The following CYP3A43 variants were observed in gnomAD, a reference collection of about 807,000 sequenced individuals.
CYP3A43 encodes the protein cytochrome P450 family 3 subfamily A member 43.
A neutral mutation model predicts 58.0 loss-of-function variants in CYP3A43; 45 were observed. The ratio of observed to expected loss-of-function variants is 0.78; its 90% CI spans 0.61 to 0.99. CYP3A43 has a LOEUF of 0.99. Ranked by LOEUF, CYP3A43 falls within the 50% of genes least tolerant of loss-of-function variation. The probability of loss-of-function intolerance (pLI) is 0.00; values close to 1 mark genes in which losing one functional copy is unlikely to be tolerated. For synonymous variants in CYP3A43, 191 were observed against 201.4 expected (o/e 0.95, Z 0.44); for missense variants, 593 against 591.9 (o/e 1.00, Z -0.02).
At chr7:99,848,558 A>T (rs1187590440) in intron 6 of CYP3A43, among the ~76,000 whole-genome samples, 4 of 152,198 alleles carry the variant, frequency 2.6e-5, no homozygotes, top group Non-Finnish European at 5.9e-5. Context: ...GATTGTACTA[A>T]AGTTTTGAGC....
chr7:99,852,551 T>A (rs1817802479), intron 7 of CYP3A43, among the ~76,000 whole-genome samples: 1 of 152,208 alleles, frequency 6.6e-6, no homozygotes, highest in Admixed American at 6.5e-5. Context: ...CACTAATATT[T>A]TGATGTTATG....
At chr7:99,834,573 G>T (rs1816987918) in intron 1 of CYP3A43, among the ~76,000 whole-genome samples, 1 of 152,190 alleles carries the variant, frequency 6.6e-6, no homozygotes, top group Non-Finnish European at 1.5e-5. Flanking sequence ...GCCAGAGGGT[G>T]CTTTCTAAGC....
chr7:99,851,521 T>G (rs1817760405), intron 7 of CYP3A43, among the ~76,000 whole-genome samples: 1 of 152,234 alleles, frequency 6.6e-6, no homozygotes, highest in Non-Finnish European at 1.5e-5. Flanking sequence ...ATCGTGATTT[T>G]GATTTACTCT....
Position 99,828,189 on chromosome 7 carries a change from G to C in CYP3A43, c.71+3G>C. On this transcript the variant is annotated splice_donor_region_variant and intron_variant, in intron 1 of 12. Transcript: ENST00000354829. ...ACCAGCCTGGTACTCCTCTATATGTGAGTAACTATGCAGGCATGTTTGCTC... is the reference window on the plus strand; with the variant it reads ...ACCAGCCTGGTACTCCTCTATATGTCAGTAACTATGCAGGCATGTTTGCTC... 6.2e-7 allele frequency: 1 copy of C among 1,601,430 alleles called. No individual in the cohort carries two copies. Among genetic ancestry groups the C allele is most frequent in the Non-Finnish European group, 8.5e-7 (1 of 1,172,654 alleles).
chr7:99,856,851 C>G lies in CYP3A43; in HGVS notation c.817C>G (p.Gln273Glu). The G allele has an allele frequency of 1.2e-6, 2 of 1,613,950 alleles. No individual in the cohort carries two copies. The highest frequency in any genetic ancestry group is 8.5e-7 in the Non-Finnish European group (1 of 1,179,966). Residue 273 changes from glutamine (Q) to glutamate (E), a missense_variant, in exon 9 of 13, where the codon CAA becomes GAA. Physicochemically the swap from Gln to Glu is conservative, Grantham distance 29 (BLOSUM62 2). Transcript: ENST00000354829. The part of the protein sequence containing the change: ...DKQKHRVDFF[Q>E]QMIDSQNSKE... Reference sequence around the variant, plus strand: ...CTTCCAGCATCGAGTAGATTTCTTTCAACAGATGATCGACTCCCAGAATTC... The same window carrying G: ...CTTCCAGCATCGAGTAGATTTCTTTGAACAGATGATCGACTCCCAGAATTC...
intron 7 of CYP3A43, among the ~76,000 whole-genome samples, chr7:99,851,822 C>T (rs1419711563): frequency 6.6e-6 from 1 of 152,152 alleles, no homozygotes; most frequent in Non-Finnish European, 1.5e-5. Flanking sequence ...GCACGATTTG[C>T]GTATTTTTCT....
At chr7:99,847,141 C>T (rs1216389768) in intron 4 of CYP3A43, among the ~76,000 whole-genome samples, 1 of 152,152 alleles carries the variant, frequency 6.6e-6, no homozygotes, top group Non-Finnish European at 1.5e-5. Flanking sequence ...TCACCAGTCC[C>T]TTTCTGCTTT....
intron 7 of CYP3A43, among the ~76,000 whole-genome samples, chr7:99,850,780 C>G (rs1330055848): frequency 6.6e-6 from 1 of 152,218 alleles, no homozygotes; most frequent in Non-Finnish European, 1.5e-5. Context: ...TGGCTTCTTT[C>G]ATTTAGCATT....
chr7:99,856,905 C>G lies in CYP3A43; in HGVS notation c.865+6C>G, dbSNP rs35141942. The G allele has an allele frequency of 0.026, 42,558 of 1,612,700 alleles. 697 individuals carry two copies. The highest frequency in any genetic ancestry group is 0.057 in the Middle Eastern group (343 of 6,052). On this transcript the variant is annotated splice_donor_region_variant and intron_variant, in intron 9 of 12. Coordinates refer to ENST00000354829, the MANE Select transcript of CYP3A43 (RefSeq NM_057095.3). ...AGAAACAAAGTCCCATAAAGGTAACCAAGAACTGCATCTGGGGGCTACTGA... is the reference window on the plus strand; with the variant it reads ...AGAAACAAAGTCCCATAAAGGTAACGAAGAACTGCATCTGGGGGCTACTGA...
At chr7:99,854,494 C>T (rs919140360) in intron 7 of CYP3A43, among the ~76,000 whole-genome samples, 9 of 152,044 alleles carry the variant, frequency 5.9e-5, no homozygotes, top group East Asian at 1.9e-4. Flanking sequence ...CGTGAGCCAC[C>T]GCGCCCGGCT....
chr7:99,849,569 A>G lies in CYP3A43; in HGVS notation c.545A>G (p.Asp182Gly), dbSNP rs1817666903. Residue 182 changes from aspartate to glycine, a missense_variant, in exon 7 of 13, where the codon GAT becomes GGT. Physicochemically the swap from Asp to Gly is moderately conservative, Grantham distance 94. Coordinates refer to ENST00000354829, the MANE Select transcript of CYP3A43 (RefSeq NM_057095.3). ...AGTTTCTTTGGGGCCTACACCATGG[A>G]TGTAATCACTGGCACATTATTTGGA... ...LKDFFGAYTM[D>G]VITGTLFGVN... 1.2e-6 allele frequency: 2 copies of G among 1,611,326 alleles called. No homozygotes were observed. Among genetic ancestry groups the G allele is most frequent in the East Asian group, 4.5e-5 (2 of 44,882 alleles).
intron 3 of CYP3A43, among the ~76,000 whole-genome samples, chr7:99,843,446 A>G (rs1563063295): frequency 6.6e-6 from 1 of 152,060 alleles, no homozygotes; most frequent in Non-Finnish European, 1.5e-5. Context: ...AATAATGAAG[A>G]GGATTACATA....
At chr7:99,855,400 T>TCG in intron 7 of CYP3A43, 191 bp from the exon 8 acceptor site, 7 of 617,846 alleles carry the variant, frequency 1.1e-5, no homozygotes, top group Admixed American at 6.7e-5. Context: ...TGTGTGGATC[T>TCG]GCTCTTGCTC....
At chr7:99,849,793 C>A in intron 7 of CYP3A43, 99 bp downstream of exon 7, 1 of 1,202,844 alleles carries the variant, frequency 8.3e-7, no homozygotes, top group Non-Finnish European at 1.1e-6. Context: ...ATATAATTCA[C>A]CTACTTAAAA....
At chr7:99,838,989 C>A in intron 2 of CYP3A43, 131 bp from the exon 3 acceptor site, 2 of 1,062,310 alleles carry the variant, frequency 1.9e-6, no homozygotes, top group East Asian at 5.0e-5. Flanking sequence ...AAAAGATTCC[C>A]TCTAACTGCC....
At chr7:99,843,555 T>C (rs1431079359) in intron 3 of CYP3A43, among the ~76,000 whole-genome samples, 1 of 152,088 alleles carries the variant, frequency 6.6e-6, no homozygotes, top group East Asian at 1.9e-4. Flanking sequence ...AACCTCCACC[T>C]CCCGGGTTCA....
intron 1 of CYP3A43, among the ~76,000 whole-genome samples, chr7:99,828,986 A>G (rs979428615): frequency 7.2e-5 from 11 of 152,246 alleles, no homozygotes; most frequent in African/African-American, 2.7e-4. Context: ...ACCTTTGTTC[A>G]TCATGTGTTT....
chr7:99,852,290 C>T (rs1452758930), intron 7 of CYP3A43, among the ~76,000 whole-genome samples: 1 of 152,200 alleles, frequency 6.6e-6, no homozygotes, highest in Non-Finnish European at 1.5e-5. Flanking sequence ...GCATCCCTTA[C>T]AATTCCAAAT....
intron 8 of CYP3A43, 78 bp from the exon 9 acceptor site, chr7:99,856,755 G>T (rs1384602479): frequency 1.4e-6 from 2 of 1,474,176 alleles, no homozygotes; most frequent in African/African-American, 2.8e-5. Flanking sequence ...CAGGAGGGGT[G>T]CTTAGGACTG....
Sources: allele counts gnomAD v4.1 joint callset (sites outside exome capture counted in the v4.1 genomes callset), GRCh38; gene constraint gnomAD v4.1.1; transcripts MANE v1.5; gene names NCBI Gene and HGNC (gene_info 2026-07-23, HGNC 2026-07-21).